FBXL2: variants seen among roughly 807,000 people sequenced by gnomAD.
The protein encoded by FBXL2 is F-box and leucine rich repeat protein 2, also known as F-box/LRR-repeat protein 2.
Under a neutral mutation model 69.2 loss-of-function variants are expected in FBXL2, and 38 were observed. That is an observed-to-expected ratio of 0.55 (90% CI 0.42 to 0.72). FBXL2 has a LOEUF of 0.72. Ranked by LOEUF, FBXL2 falls within the 30% of genes least tolerant of loss-of-function variation. FBXL2 has a pLI of 0.00. For synonymous variants in FBXL2, 192 were observed against 201.3 expected (o/e 0.95, Z 0.39); for missense variants, 354 against 520.3 (o/e 0.68, Z 3.11).
chr3:33,309,978 T>C (rs1161963347), intron 2 of FBXL2, among the ~76,000 whole-genome samples: 1 of 151,858 alleles, frequency 6.6e-6, no homozygotes, highest in Non-Finnish European at 1.5e-5. Context: ...CATGCCAACA[T>C]AACAAGACCT....
In FBXL2 at chr3:33,373,853, G is replaced by T; in HGVS notation, c.589G>T (p.Asp197Tyr). Reference sequence around the variant, plus strand: ...GTTTTCTCTGTCCACTCAGTTAGAAGATGAAGCTCTGAAACACATTCAGAA... The same window carrying T: ...GTTTTCTCTGTCCACTCAGTTAGAATATGAAGCTCTGAAACACATTCAGAA... ...LLLRGCTQLE[D>Y]EALKHIQNYC... Residue 197 changes from aspartate (D) to tyrosine (Y), a missense_variant, in exon 9 of 15, where the codon GAT becomes TAT. Physicochemically the swap from Asp to Tyr is radical, Grantham distance 160. Transcript: ENST00000484457. 5 of 1,614,234 alleles carry T rather than the reference G, an allele frequency of 3.1e-6. No homozygotes were observed. The highest frequency in any genetic ancestry group is 4.2e-6 in the Non-Finnish European group (5 of 1,180,036).
At chr3:33,293,131 C>T (rs899749510) in intron 1 of FBXL2, among the ~76,000 whole-genome samples, 6 of 152,214 alleles carry the variant, frequency 3.9e-5, no homozygotes, top group African/African-American at 1.4e-4. Context: ...GCTGGGATTA[C>T]AGGTGTGAGC....
chr3:33,327,807 C>T lies in FBXL2; in HGVS notation c.65+30082C>T, dbSNP rs148759516. Among the ~76,000 whole-genome samples the T allele has an allele frequency of 2.6e-4, 40 of 152,078 alleles. No homozygotes were observed. The East Asian group carries it at 7.7e-3, about 29-fold the overall frequency. On this transcript the variant is annotated intron_variant, in intron 2 of 14. Coordinates refer to ENST00000484457, the MANE Select transcript of FBXL2 (RefSeq NM_012157.5). ...ATCAAAACAAGGATGCCTACTTTCA[C>T]CATTTATATTCAGCATGATACTAGA...
chr3:33,384,479 C>G (rs1322788836), intron 14 of FBXL2, among the ~76,000 whole-genome samples: 1 of 151,658 alleles, frequency 6.6e-6, no homozygotes, highest in African/African-American at 2.4e-5. Context: ...GAGAATCACC[C>G]GAACCTGGGA....
intron 12 of FBXL2, among the ~76,000 whole-genome samples, chr3:33,399,976 C>T (rs1338329657): frequency 6.6e-6 from 1 of 152,218 alleles, no homozygotes; most frequent in Non-Finnish European, 1.5e-5. Flanking sequence ...AAACTGCTGA[C>T]TGAACCAATG....
intron 12 of FBXL2, among the ~76,000 whole-genome samples, chr3:33,401,628 G>A (rs76863090): frequency 0.013 from 2,023 of 152,268 alleles, 19 homozygotes; most frequent in South Asian, 0.027. Context: ...CTTAGCCCCC[G>A]TGCCTCAATT....
the FBXL2 span, among the ~76,000 whole-genome samples, chr3:33,412,560 CGA>C: frequency 4.1e-5 from 6 of 145,572 alleles, no homozygotes; most frequent in Non-Finnish European, 8.9e-5. Context: ...TTATCCTGGG[CGA>C]GAGAGCAAGG....
At chr3:33,374,501 G>T (rs2042508386) in intron 9 of FBXL2, among the ~76,000 whole-genome samples, 1 of 152,168 alleles carries the variant, frequency 6.6e-6, no homozygotes, top group African/African-American at 2.4e-5. Flanking sequence ...TTTGAGAAAG[G>T]TAAGGGAAAA....
chr3:33,330,724 C>T (rs1443257079), intron 2 of FBXL2, among the ~76,000 whole-genome samples: 1 of 152,026 alleles, frequency 6.6e-6, no homozygotes, highest in Non-Finnish European at 1.5e-5. Context: ...CCTGTCTCTA[C>T]TAAAAAATAC....
At chr3:33,396,974 A>C (rs752020699) in intron 12 of FBXL2, 1 of 1,421,496 alleles carries the variant, frequency 7.0e-7, no homozygotes, top group Non-Finnish European at 9.9e-7. Context: ...GTGGAAACAC[A>C]TTCTGCCCAA....
At chr3:33,303,783 A>C (rs1419144671) in intron 2 of FBXL2, among the ~76,000 whole-genome samples, 4 of 152,058 alleles carry the variant, frequency 2.6e-5, no homozygotes, top group Non-Finnish European at 5.9e-5. Flanking sequence ...CAAAATTATT[A>C]AGATAAAGGT....
chr3:33,406,782 G>A (rs1056778666), downstream of FBXL2, among the ~76,000 whole-genome samples: 9 of 152,156 alleles, frequency 5.9e-5, no homozygotes, highest in Admixed American at 2.0e-4. Flanking sequence ...CCCTCCCCAG[G>A]TAAAGAATGA....
chr3:33,377,243 TTTTCTCCCCTGTACCCAC>T lies in FBXL2; in HGVS notation c.789-22_789-5del. ...TTCCATTATTAACTAGTTGGTACCG[TTTTCTCCCCTGTACCCAC>T]TTTCTCCTCAGAATTTTGGAGGCTG... On this transcript the variant is annotated splice_polypyrimidine_tract_variant and intron_variant, in intron 10 of 14. Coordinates refer to ENST00000484457, the MANE Select transcript of FBXL2 (RefSeq NM_012157.5). The T allele has an allele frequency of 6.2e-7, 1 of 1,604,720 alleles. No homozygotes were observed. Among genetic ancestry groups the T allele is most frequent in the Non-Finnish European group, 8.5e-7 (1 of 1,171,534 alleles).
intron 2 of FBXL2, among the ~76,000 whole-genome samples, chr3:33,316,565 G>C (rs2037716674): frequency 6.6e-6 from 1 of 152,160 alleles, no homozygotes; most frequent in Admixed American, 6.5e-5. Flanking sequence ...ATCAGCTGCT[G>C]TTCTCACATT....
At chr3:33,345,210 A>C (rs2040345671) in intron 2 of FBXL2, among the ~76,000 whole-genome samples, 1 of 152,178 alleles carries the variant, frequency 6.6e-6, no homozygotes, top group African/African-American at 2.4e-5. Context: ...GGGAGAATCC[A>C]TTCTTTTTTT....
chr3:33,365,311 A>T (rs1391731934), intron 5 of FBXL2, among the ~76,000 whole-genome samples: 1 of 146,132 alleles, frequency 6.8e-6, no homozygotes, highest in Non-Finnish European at 1.5e-5. Context: ...ACCGAGTCTC[A>T]CTCTGTCACT....
In FBXL2 at chr3:33,321,309, C is replaced by CA. The variant is rs996549026; in HGVS notation, c.65+23595dup. 3.0e-3 allele frequency among the ~76,000 whole-genome samples: 283 copies of CA among 94,784 alleles called. 1 individual carries two copies. Among genetic ancestry groups the CA allele is most frequent in the African/African-American group, 7.2e-3 (175 of 24,410 alleles). 62.2% of individuals were successfully genotyped at this position (94,784 alleles called of 152,430 possible). ...TGGGTGACAGAGCCTGACTCCATCTCAAAAAAAAAAAGAAAAAGAAAAAAG... is the reference window on the plus strand; with the variant it reads ...TGGGTGACAGAGCCTGACTCCATCTCAAAAAAAAAAAAGAAAAAGAAAAAAG... On this transcript the variant is annotated intron_variant, in intron 2 of 14. Coordinates refer to ENST00000484457, the MANE Select transcript of FBXL2 (RefSeq NM_012157.5).
chr3:33,300,302 A>G (rs2036154425), intron 2 of FBXL2, among the ~76,000 whole-genome samples: 1 of 152,232 alleles, frequency 6.6e-6, no homozygotes, highest in Non-Finnish European at 1.5e-5. Flanking sequence ...TTTCTATGGT[A>G]GTGTGATTTC....
rs763404163 is a variant in FBXL2 at position 33,375,428 on chromosome 3, C to T, written c.788+10C>T. 6.2e-7 allele frequency: 1 copy of T among 1,610,622 alleles called. No individual in the cohort carries two copies. The highest frequency in any genetic ancestry group is 8.5e-7 in the Non-Finnish European group (1 of 1,177,100). On this transcript the variant is annotated intron_variant, in intron 10 of 14. Transcript: ENST00000484457. Reference sequence around the variant, plus strand: ...ACTGTCCGCGACTGCAGTGAGTACACTGCACTTTTTGCTTTGCAGCTCAGA... The same window carrying T: ...ACTGTCCGCGACTGCAGTGAGTACATTGCACTTTTTGCTTTGCAGCTCAGA...
Sources: gnomAD v4.1 joint callset for allele counts (sites outside exome capture counted in the v4.1 genomes callset) on GRCh38, gnomAD v4.1.1 for gene constraint, MANE v1.5 for transcripts, NCBI Gene and HGNC (gene_info 2026-07-23, HGNC 2026-07-21) for gene names.